Variants in PATJ observed in about 807,000 individuals in gnomAD.
The protein encoded by PATJ is PATJ crumbs cell polarity complex component, also known as inaD-like protein.
A neutral mutation model predicts 224.9 loss-of-function variants in PATJ; 190 were observed. That is an observed-to-expected ratio of 0.84 (90% CI 0.75 to 0.95). The LOEUF is 0.95. PATJ is among the 40% of genes least tolerant of loss of function. The pLI is 0.00. For missense variants in PATJ, 2,121 were observed against 2,270.3 expected (o/e 0.93, Z 1.34); for synonymous variants, 769 against 820.3 (o/e 0.94, Z 1.07).
At chr1:61,805,932 G>A (rs962864452) in intron 13 of PATJ, among the ~76,000 whole-genome samples, 1 of 152,184 alleles carries the variant, frequency 6.6e-6, no homozygotes, top group African/African-American at 2.4e-5. Flanking sequence ...TTAGTCCTAT[G>A]TTTCACAAAG....
chr1:61,937,415 A>T (rs1196968389), intron 27 of PATJ, among the ~76,000 whole-genome samples: 1 of 152,104 alleles, frequency 6.6e-6, no homozygotes, highest in Non-Finnish European at 1.5e-5. Context: ...AACTTTATTA[A>T]AGATTTTGGG....
chr1:62,032,597 G>A (rs369925474), intron 29 of PATJ, among the ~76,000 whole-genome samples: 45 of 152,302 alleles, frequency 3.0e-4, no homozygotes, highest in African/African-American at 1.0e-3. Context: ...ACCAATGTGA[G>A]TTTCATTTTT....
intron 41 of PATJ, among the ~76,000 whole-genome samples, chr1:62,143,248 A>G (rs918709272): frequency 6.6e-6 from 1 of 151,966 alleles, no homozygotes; most frequent in Non-Finnish European, 1.5e-5. Flanking sequence ...TCACTATTTC[A>G]CCCAGTATAT....
chr1:62,134,826 T>G (rs1007984575), intron 41 of PATJ, among the ~76,000 whole-genome samples: 1 of 151,718 alleles, frequency 6.6e-6, no homozygotes, highest in Admixed American at 6.6e-5. Flanking sequence ...CCACATGGAG[T>G]TGCTGAGCCA....
rs200933107 is a variant in PATJ at position 61,763,146 on chromosome 1, A to G, written c.156A>G (p.Thr52=). Residue 52 remains threonine, a synonymous_variant, in exon 3 of 44, where the codon ACA becomes ACG. Transcript: ENST00000642238. ...GTCCTCTCTTCAACCAGATACTCAC[A>G]CTTCAGCAGTCCATCAAGCAACTGA... is the stretch of plus-strand genomic sequence containing the variant. ...LKSPLFNQIL[T]LQQSIKQLKG... 44 of 1,598,298 alleles carry G rather than the reference A, an allele frequency of 2.8e-5. 1 individual carries two copies. The highest frequency in any genetic ancestry group is 1.8e-4 in the South Asian group (16 of 87,254).
intron 37 of PATJ, chr1:62,117,590 T>C (rs1664585932): frequency 5.3e-6 from 1 of 187,568 alleles, no homozygotes; most frequent in Non-Finnish European, 9.9e-6. Flanking sequence ...AATATTGCTA[T>C]AAAGTTAACT....
At position 61,914,645 on chromosome 1, in the gene PATJ, C is replaced by A; in HGVS notation, c.3551C>A (p.Thr1184Asn). ...NKITGNQNQD[T>N]QEKKEKRQGT... Reference sequence around the variant, plus strand: ...ATCACCGGTAACCAGAACCAGGACACCCAAGAAAAGAAAGAAAAGGTAACT... The same window carrying A: ...ATCACCGGTAACCAGAACCAGGACAACCAAGAAAAGAAAGAAAAGGTAACT... The change falls in exon 26 of 44, where the codon ACC becomes AAC. Residue 1184 changes from threonine (T) to asparagine (N), a missense_variant. By Grantham distance (65) the Thr-to-Asn change is moderately conservative (BLOSUM62 0). Coordinates refer to ENST00000642238, the MANE Select transcript of PATJ (RefSeq NM_001350145.3). The A allele has an allele frequency of 6.3e-7, 1 of 1,576,598 alleles. No homozygotes were observed. The highest frequency in any genetic ancestry group is 8.7e-7 in the Non-Finnish European group (1 of 1,146,904).
chr1:62,054,191 TAAA>T (rs1006905062), intron 31 of PATJ: 22 of 172,264 alleles, frequency 1.3e-4, no homozygotes, highest in South Asian at 4.1e-4. Context: ...CATTTTTATT[TAAA>T]AAAAAAAAAA....
At chr1:62,056,793 T>A (rs1654623032) in intron 31 of PATJ, among the ~76,000 whole-genome samples, 1 of 152,052 alleles carries the variant, frequency 6.6e-6, no homozygotes, top group Admixed American at 6.5e-5. Context: ...AAATAAAAAA[T>A]CACCCATTGA....
chr1:61,832,778 T>C (rs563245107), intron 16 of PATJ, among the ~76,000 whole-genome samples: 1 of 152,288 alleles, frequency 6.6e-6, no homozygotes, highest in Non-Finnish European at 1.5e-5. Flanking sequence ...GATAGAAGTT[T>C]AGAGTATTTT....
chr1:61,873,497 C>T (rs1666936897), intron 20 of PATJ, among the ~76,000 whole-genome samples: 1 of 152,144 alleles, frequency 6.6e-6, no homozygotes, highest in Non-Finnish European at 1.5e-5. Context: ...TAAAAAGATA[C>T]TTAAAGTGAA....
At chr1:61,981,316 AC>A (rs1557985161) in intron 27 of PATJ, among the ~76,000 whole-genome samples, 2 of 152,020 alleles carry the variant, frequency 1.3e-5, no homozygotes, top group Admixed American at 1.3e-4. Flanking sequence ...CCTAAACCTT[AC>A]CCCAGAAAAC....
chr1:61,994,375 G>T (rs1436021682), intron 28 of PATJ, among the ~76,000 whole-genome samples: 1 of 152,144 alleles, frequency 6.6e-6, no homozygotes, highest in Non-Finnish European at 1.5e-5. Flanking sequence ...CATTTCAGAT[G>T]ATTTTGATTT....
intron 26 of PATJ, among the ~76,000 whole-genome samples, chr1:61,915,080 C>T (rs1673263217): frequency 6.6e-6 from 1 of 152,206 alleles, no homozygotes; most frequent in Non-Finnish European, 1.5e-5. Context: ...AGAAAACTAT[C>T]CTTCCTGTCA....
intron 34 of PATJ, among the ~76,000 whole-genome samples, chr1:62,109,948 C>T (rs536218386): frequency 6.6e-6 from 1 of 151,982 alleles, no homozygotes; most frequent in Non-Finnish European, 1.5e-5. Flanking sequence ...TTAGGTAGAC[C>T]CTCTGTAGCT....
Position 61,998,004 on chromosome 1 carries a change from T to TATATATATATATATA in PATJ, c.3867+7640_3867+7641insATATATATATATATA, listed in dbSNP as rs1342142560. Reference sequence around the variant, plus strand: ...AGCTTATATATGTATATATAATATATTATATATATTAATTATATATAATAT... The same window carrying TATATATATATATATA: ...AGCTTATATATGTATATATAATATATATATATATATATATATATATATATTAATTATATATAATAT... On this transcript the variant is annotated intron_variant, in intron 28 of 43. Coordinates refer to ENST00000642238, the MANE Select transcript of PATJ (RefSeq NM_001350145.3). 8.6e-4 allele frequency among the ~76,000 whole-genome samples: 90 copies of TATATATATATATATA among 104,586 alleles called. 2 individuals carry two copies. The highest frequency in any genetic ancestry group is 4.2e-3 in the African/African-American group (89 of 21,082). 68.6% of individuals were successfully genotyped at this position (104,586 alleles called of 152,430 possible).
chr1:62,054,095 A>G (rs1451996972), intron 31 of PATJ, among the ~76,000 whole-genome samples: 1 of 152,186 alleles, frequency 6.6e-6, no homozygotes, highest in Non-Finnish European at 1.5e-5. Flanking sequence ...TCAACCTAAC[A>G]TATACATAAA....
At chr1:61,752,878 A>G (rs1645412960) in intron 1 of PATJ, among the ~76,000 whole-genome samples, 3 of 152,188 alleles carry the variant, frequency 2.0e-5, no homozygotes, top group Admixed American at 2.0e-4. Context: ...TTTTATATTT[A>G]AGGTATTTAG....
chr1:61,960,174 G>A (rs529151160), intron 27 of PATJ, among the ~76,000 whole-genome samples: 38 of 152,198 alleles, frequency 2.5e-4, no homozygotes, highest in African/African-American at 8.9e-4. Flanking sequence ...TGCAATTTTA[G>A]CCCCAGATCA....
Sources: gnomAD v4.1 joint callset for allele counts (sites outside exome capture counted in the v4.1 genomes callset) on GRCh38, gnomAD v4.1.1 for gene constraint, MANE v1.5 for transcripts, NCBI Gene and HGNC (gene_info 2026-07-23, HGNC 2026-07-21) for gene names.